DLG2: variants seen among roughly 807,000 people sequenced by gnomAD.
DLG2 encodes disks large homolog 2.
DLG2 carries 45 observed loss-of-function variants against 132.5 expected under a neutral mutation model. The observed-to-expected ratio is 0.34, with a 90% CI of 0.27 to 0.44. The LOEUF (loss-of-function observed/expected upper bound fraction) is 0.44, where lower values mean the gene tolerates loss of function less well. Ranked by LOEUF, DLG2 falls within the 20% of genes least tolerant of loss-of-function variation. The probability of loss-of-function intolerance (pLI) is 1.00; values close to 1 mark genes in which losing one functional copy is unlikely to be tolerated. For synonymous variants in DLG2, 424 were observed against 419.6 expected, an observed-to-expected ratio of 1.01 and a Z score of -0.13; for missense variants, 1,045 against 1,196.9, an observed-to-expected ratio of 0.87 and a Z score of 1.87.
intron 6 of DLG2, among the ~76,000 whole-genome samples, chr11:84,868,906 C>A (rs1457995571): frequency 2.6e-5 from 4 of 152,158 alleles, no homozygotes; most frequent in Non-Finnish European, 5.9e-5. Context: ...TCTGACTATA[C>A]TATGAGTTTT....
chr11:83,978,531 A>G (rs539629443), intron 12 of DLG2, among the ~76,000 whole-genome samples: 1 of 152,278 alleles, frequency 6.6e-6, no homozygotes, highest in South Asian at 2.1e-4. Flanking sequence ...AAGATAGAAC[A>G]ACATCATAAG....
chr11:85,267,387 C>T (rs901006505), intron 4 of DLG2, among the ~76,000 whole-genome samples: 1 of 152,124 alleles, frequency 6.6e-6, no homozygotes, highest in South Asian at 2.1e-4. Context: ...TTTGGCAGCC[C>T]GAACTGACTT....
intron 6 of DLG2, among the ~76,000 whole-genome samples, chr11:84,979,107 G>A (rs558358133): frequency 6.6e-6 from 1 of 152,292 alleles, no homozygotes; most frequent in South Asian, 2.1e-4. Context: ...AAACCACAGT[G>A]AGATACCATC....
chr11:83,814,879 C>A, intron 17 of DLG2: 1 of 234,910 alleles, frequency 4.3e-6, no homozygotes, highest in South Asian at 8.9e-5. Flanking sequence ...CCATGCTCTC[C>A]AAAGATCCAC....
chr11:83,485,758 C>CT (rs1391386764), intron 21 of DLG2, among the ~76,000 whole-genome samples: 2 of 152,104 alleles, frequency 1.3e-5, no homozygotes, highest in African/African-American at 2.4e-5. Flanking sequence ...AACTTATCTT[C>CT]TTTGTATACT....
At chr11:84,267,974 C>G (rs968800851) in intron 7 of DLG2, among the ~76,000 whole-genome samples, 1 of 152,138 alleles carries the variant, frequency 6.6e-6, no homozygotes, top group Non-Finnish European at 1.5e-5. Flanking sequence ...TTATGATTTA[C>G]CTGTATAATT....
At chr11:85,414,997 C>T (rs981493385) in intron 3 of DLG2, among the ~76,000 whole-genome samples, 2 of 152,054 alleles carry the variant, frequency 1.3e-5, no homozygotes, top group African/African-American at 4.8e-5. Context: ...TCTCTTAATG[C>T]TATCCTTCCC....
chr11:84,924,228 C>G lies in DLG2; in HGVS notation c.357+187433G>C, dbSNP rs570800942. On this transcript the variant is annotated intron_variant, in intron 6 of 27. Coordinates refer to ENST00000376104, the MANE Select transcript of DLG2 (RefSeq NM_001142699.3). ...ACAAAGTACAATTTAGGGTGCTATACCCTTATTTCCAGCCTTGGGAAGCCG... is the reference window on the plus strand; with the variant it reads ...ACAAAGTACAATTTAGGGTGCTATAGCCTTATTTCCAGCCTTGGGAAGCCG... 1.3e-3 allele frequency among the ~76,000 whole-genome samples: 194 copies of G among 152,248 alleles called. 1 individual carries two copies. Among genetic ancestry groups the G allele is most frequent in the African/African-American group, 4.6e-3 (191 of 41,534 alleles).
chr11:83,996,445 A>C (rs1358300089), intron 11 of DLG2, among the ~76,000 whole-genome samples: 1 of 152,206 alleles, frequency 6.6e-6, no homozygotes, highest in Non-Finnish European at 1.5e-5. Context: ...TTGAGCCACT[A>C]TATGATTCAG....
chr11:85,198,291 C>G (rs2081208467), intron 4 of DLG2, among the ~76,000 whole-genome samples: 1 of 152,028 alleles, frequency 6.6e-6, no homozygotes, highest in Non-Finnish European at 1.5e-5. Context: ...TTGTGGAGAG[C>G]AGATTTTCTT....
At chr11:85,480,001 C>A (rs951629033) in intron 3 of DLG2, among the ~76,000 whole-genome samples, 1 of 152,134 alleles carries the variant, frequency 6.6e-6, no homozygotes, top group East Asian at 1.9e-4. Flanking sequence ...AATACCATTA[C>A]GTTCTGAGGT....
At chr11:84,287,636 A>C (rs926319970) in intron 7 of DLG2, among the ~76,000 whole-genome samples, 3 of 150,344 alleles carry the variant, frequency 2.0e-5, no homozygotes, top group East Asian at 2.0e-4. Flanking sequence ...CTCTGTTTCT[A>C]TCTCTCTCTC....
At chr11:84,299,506 T>C (rs901632416) in intron 7 of DLG2, among the ~76,000 whole-genome samples, 5 of 152,156 alleles carry the variant, frequency 3.3e-5, no homozygotes, top group African/African-American at 4.8e-5. Flanking sequence ...AGAAATGTAA[T>C]GGATCTGGTG....
intron 6 of DLG2, among the ~76,000 whole-genome samples, chr11:84,975,130 G>A (rs1179658178): frequency 6.6e-6 from 1 of 152,148 alleles, no homozygotes; most frequent in Non-Finnish European, 1.5e-5. Flanking sequence ...GGGTGGGGAT[G>A]AATAGGGATT....
chr11:84,939,553 C>T (rs867939885), intron 6 of DLG2, among the ~76,000 whole-genome samples: 17 of 152,100 alleles, frequency 1.1e-4, no homozygotes, highest in Non-Finnish European at 2.2e-4. Context: ...CACCATCACC[C>T]TTCCCACCAT....
At position 84,682,450 on chromosome 11, in the gene DLG2, C is replaced by T. The variant is rs545299629; in HGVS notation, c.358-147719G>A. Among the ~76,000 whole-genome samples, 2 of 152,276 alleles carry T rather than the reference C, an allele frequency of 1.3e-5. 1 individual carries two copies. The highest frequency in any genetic ancestry group is 4.1e-4 in the South Asian group (2 of 4,824). Reference sequence around the variant, plus strand: ...TATTTTGGTTCTCTCTCAACACAGGCTTTGTGTGGTAGCTGGCAAGGGAAG... The same window carrying T: ...TATTTTGGTTCTCTCTCAACACAGGTTTTGTGTGGTAGCTGGCAAGGGAAG... On this transcript the variant is annotated intron_variant, in intron 6 of 27. Transcript: ENST00000376104.
At chr11:85,622,562 A>G (rs938403750) in intron 2 of DLG2, among the ~76,000 whole-genome samples, 2 of 152,106 alleles carry the variant, frequency 1.3e-5, no homozygotes, top group African/African-American at 4.8e-5. Flanking sequence ...AGGAAACAAC[A>G]AAAGAAGAAA....
intron 3 of DLG2, among the ~76,000 whole-genome samples, chr11:85,492,342 T>C (rs1323280047): frequency 6.6e-6 from 1 of 152,166 alleles, no homozygotes; most frequent in East Asian, 1.9e-4. Context: ...GTAATTGCTA[T>C]TAATTACAAT....
chr11:83,534,387 A>G (rs2095832906), intron 20 of DLG2, among the ~76,000 whole-genome samples: 2 of 152,180 alleles, frequency 1.3e-5, no homozygotes, highest in South Asian at 2.1e-4. Flanking sequence ...GATGTGGGGG[A>G]AAAAAGAGAA....
Sources: allele counts gnomAD v4.1 joint callset (sites outside exome capture counted in the v4.1 genomes callset), GRCh38; gene constraint gnomAD v4.1.1; transcripts MANE v1.5; gene names NCBI Gene and HGNC (gene_info 2026-07-23, HGNC 2026-07-21).